Variants in TMEM100 observed in about 807,000 individuals in gnomAD.
The protein encoded by TMEM100 is transmembrane protein 100.
For missense variants in TMEM100, 137 were observed against 168.2 expected, an observed-to-expected ratio of 0.81 and a Z score of 1.02; for synonymous variants, 61 against 67.1, an observed-to-expected ratio of 0.91 and a Z score of 0.44.
rs1312407180 is a variant in TMEM100 at position 55,719,672 on chromosome 17, C to A, written c.*994G>T. On this transcript the variant is annotated 3_prime_UTR_variant, in exon 2 of 2. Coordinates refer to ENST00000424486, the MANE Select transcript of TMEM100 (RefSeq NM_018286.3). Reference sequence around the variant, plus strand: ...CATTTAATAGCACATTATAAAGTTCCTGACCAAAGACGTTGATTTCCTAAT... The same window carrying A: ...CATTTAATAGCACATTATAAAGTTCATGACCAAAGACGTTGATTTCCTAAT... The A allele has an allele frequency of 6.6e-6, 1 of 152,174 alleles. No individual in the cohort carries two copies. The highest frequency in any genetic ancestry group is 2.4e-5 in the African/African-American group (1 of 41,438). 9.4% of individuals were successfully genotyped at this position (152,174 alleles called of 1,614,324 possible).
chr17:55,726,615 G>T (rs951787355), upstream of TMEM100, among the ~76,000 whole-genome samples: 1 of 152,068 alleles, frequency 6.6e-6, no homozygotes, highest in African/African-American at 2.4e-5. Context: ...CAGCCTTGAG[G>T]ATGCCAGTTC....
rs368078219 is a variant in TMEM100 at position 55,729,562 on chromosome 17, T to C, written c.-358-1580A>G. 9.9e-5 allele frequency among the ~76,000 whole-genome samples: 15 copies of C among 152,260 alleles called. 2 individuals carry two copies. The highest frequency in any genetic ancestry group is 7.2e-4 in the Admixed American group (11 of 15,290). On this transcript the variant is annotated intron_variant, in intron 1 of 3. Coordinates refer to the TMEM100 transcript ENST00000575734. ...ATGCATTGTGTGAATTGTCAAAAAA[T>C]TCTGTCATAGGCTCACAAATAAAAT...
At chr17:55,723,121 G>A (rs1312115394), upstream of TMEM100, 1 of 152,266 alleles carries the variant, frequency 6.6e-6, no homozygotes, top group Non-Finnish European at 1.5e-5. Flanking sequence ...TTTTTCCCCC[G>A]CCGACCTCCA....
chr17:55,731,306 A>C (rs951896348), intron 1 of TMEM100, among the ~76,000 whole-genome samples: 2 of 152,216 alleles, frequency 1.3e-5, no homozygotes, highest in Non-Finnish European at 2.9e-5. Flanking sequence ...AGGTTATAGC[A>C]TGAGGTTTTG....
chr17:55,728,056 G>A (rs777032722), intron 1 of TMEM100: 1 of 152,186 alleles, frequency 6.6e-6, no homozygotes, highest in South Asian at 2.1e-4. Flanking sequence ...TTTAACTCCA[G>A]AACCTGGGCT....
chr17:55,721,778 G>T (rs1317722359), intron 1 of TMEM100: 1 of 152,164 alleles, frequency 6.6e-6, no homozygotes, highest in Non-Finnish European at 1.5e-5. Flanking sequence ...AAAATGAGGT[G>T]GGGATTTGTG....
At chr17:55,731,858 A>G (rs1909214095) in exon 1 of TMEM100, 1 of 152,246 alleles carries the variant, frequency 6.6e-6, no homozygotes, top group African/African-American at 2.4e-5. Context: ...GTCCAATACC[A>G]TAATAAACTG....
At chr17:55,723,217 G>A (rs918265966), upstream of TMEM100, among the ~76,000 whole-genome samples, 1 of 152,136 alleles carries the variant, frequency 6.6e-6, no homozygotes, top group African/African-American at 2.4e-5. Flanking sequence ...GAGCCGAGGG[G>A]ACAGATACTC....
chr17:55,723,397 G>A (rs1454039724), upstream of TMEM100, among the ~76,000 whole-genome samples: 1 of 152,298 alleles, frequency 6.6e-6, no homozygotes, highest in East Asian at 1.9e-4. Flanking sequence ...GAGGGTGGGA[G>A]GCACAAATGT....
intron 1 of TMEM100, among the ~76,000 whole-genome samples, chr17:55,729,029 T>C (rs2144872882): frequency 6.6e-6 from 1 of 152,262 alleles, no homozygotes; most frequent in Non-Finnish European, 1.5e-5. Flanking sequence ...CCGGAAATAG[T>C]TTATGGTCGG....
At chr17:55,725,928 C>G (rs1909059055), upstream of TMEM100, among the ~76,000 whole-genome samples, 1 of 152,142 alleles carries the variant, frequency 6.6e-6, no homozygotes, top group African/African-American at 2.4e-5. Context: ...GTAATCTTTG[C>G]TCTACATTTC....
At chr17:55,723,827 C>T (rs944985702), upstream of TMEM100, among the ~76,000 whole-genome samples, 1 of 152,202 alleles carries the variant, frequency 6.6e-6, no homozygotes, top group African/African-American at 2.4e-5. Flanking sequence ...CAAACATATA[C>T]AACTTGACAC....
At chr17:55,723,282 C>T (rs1597955147), upstream of TMEM100, among the ~76,000 whole-genome samples, 2 of 147,154 alleles carry the variant, frequency 1.4e-5, no homozygotes, top group South Asian at 2.1e-4. Flanking sequence ...AGTCTCTAAG[C>T]CAGCAAAAAT....
rs865928295 is a variant in TMEM100, at chr17:55,719,677, C to A, written c.*989G>T. On this transcript the variant is annotated 3_prime_UTR_variant, in exon 2 of 2. Coordinates refer to ENST00000424486, the MANE Select transcript of TMEM100 (RefSeq NM_018286.3). Reference sequence around the variant, plus strand: ...AATAGCACATTATAAAGTTCCTGACCAAAGACGTTGATTTCCTAATTATAA... The same window carrying A: ...AATAGCACATTATAAAGTTCCTGACAAAAGACGTTGATTTCCTAATTATAA... The A allele has an allele frequency of 6.6e-6, 1 of 152,220 alleles. No homozygotes were observed. Among genetic ancestry groups the A allele is most frequent in the South Asian group, 2.1e-4 (1 of 4,812 alleles). The allele number at this position is 152,220 out of a possible 1,614,324, so 9.4% of individuals were successfully genotyped here.
upstream of TMEM100, among the ~76,000 whole-genome samples, chr17:55,726,276 T>C (rs527648029): frequency 6.6e-6 from 1 of 152,338 alleles, no homozygotes; most frequent in East Asian, 1.9e-4. Flanking sequence ...TCATTTTTTT[T>C]TCTTTAGAAA....
chr17:55,728,008 A>G (rs1909114633), intron 1 of TMEM100: 1 of 152,218 alleles, frequency 6.6e-6, no homozygotes, highest in African/African-American at 2.4e-5. Context: ...GGAGGGAAAA[A>G]AAGAAATGGA....
At chr17:55,730,850 T>A (rs1189325027) in intron 1 of TMEM100, among the ~76,000 whole-genome samples, 1 of 152,244 alleles carries the variant, frequency 6.6e-6, no homozygotes, top group African/African-American at 2.4e-5. Context: ...TTAGATAAAA[T>A]TTTTAAAGTC....
At chr17:55,727,308 C>T (rs372032994), upstream of TMEM100, among the ~76,000 whole-genome samples, 18 of 152,310 alleles carry the variant, frequency 1.2e-4, 2 homozygotes, top group Admixed American at 7.2e-4. Context: ...TGAGGAAGCC[C>T]GAAGTTCGAG....
intron 1 of TMEM100, among the ~76,000 whole-genome samples, chr17:55,730,578 A>G (rs1909178555): frequency 6.6e-6 from 1 of 152,168 alleles, no homozygotes; most frequent in African/African-American, 2.4e-5. Flanking sequence ...TGGGTTTTAA[A>G]ATGATTGCTT....
Sources: gnomAD v4.1 joint callset for allele counts (sites outside exome capture counted in the v4.1 genomes callset) on GRCh38, gnomAD v4.1.1 for gene constraint, MANE v1.5 for transcripts, NCBI Gene and HGNC (gene_info 2026-07-23, HGNC 2026-07-21) for gene names.